SLC6A8: variants seen among roughly 807,000 people sequenced by gnomAD.
The protein encoded by SLC6A8 is sodium- and chloride-dependent creatine transporter 1.
SLC6A8 carries 6 observed loss-of-function variants against 48.3 expected under a neutral mutation model. That is an observed-to-expected ratio of 0.12 (90% confidence interval 0.07 to 0.25). The LOEUF is 0.25. SLC6A8 is among the 10% of genes least tolerant of loss of function. The pLI is 1.00. For missense variants in SLC6A8, 260 were observed against 551.5 expected (o/e 0.47, Z 5.29); for synonymous variants, 245 against 244.0 (o/e 1.00, Z -0.04).
chrX:153,692,812 C>T lies in SLC6A8; in HGVS notation c.778-229C>T, dbSNP rs1453159800. ...TCCCAGAGGCTCGCCTGCTCCCCAC[C>T]GACACGCGTCCCTGCAGACAAACGA... On this transcript the variant is annotated intron_variant, in intron 4 of 12. Transcript: ENST00000253122. The T allele has an allele frequency of 4.7e-5, 23 of 487,060 alleles. 1 individual carries two copies. The highest frequency in any genetic ancestry group is 2.4e-4 in the Admixed American group (9 of 36,760). The allele number at this position is 487,060 out of a possible 1,213,427, so 40.1% of individuals were successfully genotyped here.
Position 153,694,570 on chromosome X carries a change from C to T in SLC6A8, c.1533C>T (p.Ile511=), listed in dbSNP as rs782114947. 123 of 1,129,538 alleles carry T rather than the reference C, an allele frequency of 1.1e-4. 1 individual carries two copies. Among genetic ancestry groups the T allele is most frequent in the East Asian group, 2.3e-4 (6 of 26,509 alleles). 93.1% of individuals were successfully genotyped at this position (1,129,538 alleles called of 1,213,427 possible). A position where few individuals can be genotyped will look rare whatever the true frequency, so the allele number is the denominator to read the frequency against. ...TCATGGACGACATTGCCTGTATGAT[C>T]GGGTACCGACCTTGCCCCTGGATGA... ...DRFMDDIACM[I]GYRPCPWMKW... Residue 511 remains isoleucine (I), a synonymous_variant, in exon 11 of 13, where the codon ATC becomes ATT. Transcript: ENST00000253122.
At chrX:153,692,886 C>T (rs2091464390) in intron 4 of SLC6A8, 155 bp from the exon 5 acceptor site, 1 of 741,079 alleles carries the variant, frequency 1.3e-6, no homozygotes, top group Non-Finnish European at 2.0e-6. Flanking sequence ...TGCCGGGGCG[C>T]AGCCTTGCCC....
At position 153,693,379 on chromosome X, in the gene SLC6A8, G is replaced by GCCCTGCCA; in HGVS notation, c.1016+17_1016+24dup. 1.7e-6 allele frequency: 2 copies of GCCCTGCCA among 1,206,144 alleles called. No homozygotes were observed. ...ACAACTGCTACAAGTAAGCACCGCC[G>GCCCTGCCA]CCCTGCCACCCGTGCCCTGTCCTGC... On this transcript the variant is annotated intron_variant, in intron 6 of 12. Transcript: ENST00000253122.
rs1212450402 is a variant in SLC6A8 at position 153,695,373 on chromosome X, T to C, written c.*159T>C. On this transcript the variant is annotated 3_prime_UTR_variant, in exon 13 of 13. Transcript: ENST00000253122. Reference sequence around the variant, plus strand: ...CCATGAGTGCTCACTAAAACAACTTTTTCCATTTTTAATAAAACGCCAAAA... The same window carrying C: ...CCATGAGTGCTCACTAAAACAACTTCTTCCATTTTTAATAAAACGCCAAAA... 1.9e-6 allele frequency: 1 copy of C among 527,361 alleles called. No individual in the cohort carries two copies. The highest frequency in any genetic ancestry group is 2.3e-5 in the African/African-American group (1 of 42,743). 43.5% of individuals were successfully genotyped at this position (527,361 alleles called of 1,213,427 possible). A position where few individuals can be genotyped will look rare whatever the true frequency, so the allele number is the denominator to read the frequency against.
intron 5 of SLC6A8, 38 bp downstream of exon 5, chrX:153,693,213 G>A (rs782663282): frequency 1.1e-4 from 137 of 1,206,493 alleles, no homozygotes; most frequent in Middle Eastern, 7.5e-4. Flanking sequence ...AGGGCGCTGC[G>A]GGGGAGCCCT....
rs2091483572 is a variant in SLC6A8, at chrX:153,695,230, C to T, written c.*16C>T. The stretch of plus-strand genomic sequence containing the variant: ...TGTCATGTGACAACTCAGCTCACAT[C>T]ACCAGCTCACCTCTGGTAGCCATAG... On this transcript the variant is annotated 3_prime_UTR_variant, in exon 13 of 13. Coordinates refer to ENST00000253122, the MANE Select transcript of SLC6A8 (RefSeq NM_005629.4). 2.2e-5 allele frequency: 26 copies of T among 1,174,059 alleles called. No homozygotes were observed. Among genetic ancestry groups the T allele is most frequent in the Non-Finnish European group, 2.9e-5 (25 of 874,748 alleles).
chrX:153,691,877 G>A lies in SLC6A8; in HGVS notation c.645-98G>A, dbSNP rs782310544. Reference sequence around the variant, plus strand: ...GACAAGAGGGACCCGCTGAACCCTGGGCTGTGGGAGAGAAGGGAGCCACAA... The same window carrying A: ...GACAAGAGGGACCCGCTGAACCCTGAGCTGTGGGAGAGAAGGGAGCCACAA... On this transcript the variant is annotated intron_variant, in intron 3 of 12. Coordinates refer to ENST00000253122, the MANE Select transcript of SLC6A8 (RefSeq NM_005629.4). The A allele has an allele frequency of 3.7e-4, 366 of 980,640 alleles. 1 individual carries two copies. The highest frequency in any genetic ancestry group is 3.5e-3 in the South Asian group (168 of 48,488). The allele number at this position is 980,640 out of a possible 1,213,427, so 80.8% of individuals were successfully genotyped here.
intron 2 of SLC6A8, chrX:153,690,897 C>CT (rs1479899507): frequency 5.5e-5 from 13 of 237,427 alleles, no homozygotes; most frequent in Non-Finnish European, 9.1e-5. Context: ...TAGAAACCCC[C>CT]CCCCCCCACC....
intron 1 of SLC6A8, 86 bp from the exon 2 acceptor site, chrX:153,690,289 G>T (rs1557044145): frequency 2.8e-5 from 29 of 1,024,675 alleles, no homozygotes; most frequent in Non-Finnish European, 3.9e-5. Flanking sequence ...AGTTGTGATG[G>T]GGCCTTTGGA....
Position 153,695,546 on chromosome X carries a change from C to G in SLC6A8, c.*332C>G, listed in dbSNP as rs2091486110. The G allele has an allele frequency of 3.3e-6, 1 of 304,939 alleles. No individual in the cohort carries two copies. The highest frequency in any genetic ancestry group is 5.9e-6 in the Non-Finnish European group (1 of 170,196). 25.1% of individuals were successfully genotyped at this position (304,939 alleles called of 1,213,427 possible). ...CACCCCCTGCCCACCTCTCCAGGCTCTGCTCTGCAGCACACCCGTGGGTGA... is the reference window on the plus strand; with the variant it reads ...CACCCCCTGCCCACCTCTCCAGGCTGTGCTCTGCAGCACACCCGTGGGTGA... On this transcript the variant is annotated 3_prime_UTR_variant, in exon 13 of 13. Transcript: ENST00000253122.
At position 153,695,461 on chromosome X, in the gene SLC6A8, G is replaced by GC. The variant is rs1306802363; in HGVS notation, c.*251dup. On this transcript the variant is annotated 3_prime_UTR_variant, in exon 13 of 13. Coordinates refer to ENST00000253122, the MANE Select transcript of SLC6A8 (RefSeq NM_005629.4). Reference sequence around the variant, plus strand: ...CCAGCCCTAGCCGAGCTGGTCCTAGGCCCCGCCTAGTGCCCCACCCCCACC... The same window carrying GC: ...CCAGCCCTAGCCGAGCTGGTCCTAGGCCCCCGCCTAGTGCCCCACCCCCACC... 1.2e-4 allele frequency: 50 copies of GC among 408,709 alleles called. No homozygotes were observed. In the East Asian group the frequency reaches 2.0e-3, roughly 17 times the overall value. The allele number at this position is 408,709 out of a possible 1,213,427, so 33.7% of individuals were successfully genotyped here.
rs1060453 is a variant in SLC6A8 at position 153,694,382 on chromosome X, G to A, written c.1431G>A (p.Ser477=). The change falls in exon 10 of 13, where the codon TCG becomes TCA. Residue 477 remains serine (S), a synonymous_variant. Coordinates refer to ENST00000253122, the MANE Select transcript of SLC6A8 (RefSeq NM_005629.4). ...TCTTCCAGCTGTTTGACTACTACTC[G>A]GCCAGCGGCACCACCCTGCTCTGGC... ...MYVFQLFDYY[S]ASGTTLLWQA... 12 of 1,209,033 alleles carry A rather than the reference G, an allele frequency of 9.9e-6. No homozygotes were observed. Among genetic ancestry groups the A allele is most frequent in the Middle Eastern group, 2.3e-4 (1 of 4,367 alleles).
At position 153,695,685 on chromosome X, in the gene SLC6A8, A is replaced by G. The variant is rs4532754; in HGVS notation, c.*471A>G. On this transcript the variant is annotated 3_prime_UTR_variant, in exon 13 of 13. Transcript: ENST00000253122. ...GAGGCAGGGGAGGGGCAGCAGAACC[A>G]AGGCAAATATTTCAGCTGGGCTATA... 0.11 allele frequency: 17,772 copies of G among 165,836 alleles called. 2,609 individuals carry two copies. Among genetic ancestry groups the G allele is most frequent in the African/African-American group, 0.45 (14,538 of 31,970 alleles). 13.7% of individuals were successfully genotyped at this position (165,836 alleles called of 1,213,427 possible). A position where few individuals can be genotyped will look rare whatever the true frequency, so the allele number is the denominator to read the frequency against.
At chrX:153,692,817 C>A (rs782223970) in intron 4 of SLC6A8, 1 of 492,744 alleles carries the variant, frequency 2.0e-6, no homozygotes, top group South Asian at 2.5e-5. Context: ...CCCACCGACA[C>A]GCGTCCCTGC....
chrX:153,692,252 C>T (rs1569539305), intron 4 of SLC6A8, 145 bp downstream of exon 4: 1 of 623,867 alleles, frequency 1.6e-6, no homozygotes, highest in Non-Finnish European at 2.6e-6. Flanking sequence ...GCAATGCTCC[C>T]CACCCTGCAA....
At position 153,695,167 on chromosome X, in the gene SLC6A8, C is replaced by T. The variant is rs782388832; in HGVS notation, c.1861C>T (p.Pro621Ser). 5 of 1,194,652 alleles carry T rather than the reference C, an allele frequency of 4.2e-6. No homozygotes were observed. Among genetic ancestry groups the T allele is most frequent in the East Asian group, 6.1e-5 (2 of 32,985 alleles). ...TGTCAGGGGCCTGACCACCCTGACC[C>T]CAGTGTCCGAGAGCAGCAAGGTCGT... is the stretch of plus-strand genomic sequence containing the variant. ...ADVRGLTTLT[P>S]VSESSKVVVV... Residue 621 changes from proline (P) to serine (S), a missense_variant, in exon 13 of 13, where the codon CCA (proline) becomes TCA (serine). Physicochemically the swap from Pro to Ser is moderately conservative, Grantham distance 74. Around this residue, in one of 7 missense-constraint regions of SLC6A8, gnomAD observed 87 missense variants for 120.9 expected, o/e 0.72. Coordinates refer to ENST00000253122, the MANE Select transcript of SLC6A8 (RefSeq NM_005629.4).
intron 1 of SLC6A8, among the ~76,000 whole-genome samples, chrX:153,690,041 A>T (rs1351323609): frequency 8.9e-6 from 1 of 112,987 alleles, no homozygotes; most frequent in Admixed American, 9.2e-5. Context: ...GAAACAGGGA[A>T]TTGCAGCACT....
rs6571290 is a variant in SLC6A8 at position 153,695,421 on chromosome X, G to A, written c.*207G>A. ...AAAATATCACAACCCACCAAAAATA[G>A]ATGCCTCTCCCCCTCCAGCCCTAGC... is the stretch of plus-strand genomic sequence containing the variant. On this transcript the variant is annotated 3_prime_UTR_variant, in exon 13 of 13. Coordinates refer to ENST00000253122, the MANE Select transcript of SLC6A8 (RefSeq NM_005629.4). 4 of 450,705 alleles carry A rather than the reference G, an allele frequency of 8.9e-6. No homozygotes were observed. Among genetic ancestry groups the A allele is most frequent in the South Asian group, 3.2e-5 (1 of 31,374 alleles). 37.1% of individuals were successfully genotyped at this position (450,705 alleles called of 1,213,427 possible). A position where few individuals can be genotyped will look rare whatever the true frequency, so the allele number is the denominator to read the frequency against.
chrX:153,692,633 C>G (rs1255701037), intron 4 of SLC6A8: 4 of 341,935 alleles, frequency 1.2e-5, no homozygotes, highest in Admixed American at 3.1e-5. Flanking sequence ...TCTCCACCTG[C>G]TCAACCCCCA....
Sources: gnomAD v4.1 joint callset for allele counts (sites outside exome capture counted in the v4.1 genomes callset) on GRCh38, gnomAD v4.1.1 for gene constraint, gnomAD v4.1.1 regional missense constraint, MANE v1.5 for transcripts, NCBI Gene and HGNC (gene_info 2026-07-23, HGNC 2026-07-21) for gene names.